CYP2C18: variants seen among roughly 807,000 people sequenced by gnomAD.
CYP2C18 encodes the protein cytochrome P450 2C18.
A neutral mutation model predicts 41.3 loss-of-function variants in CYP2C18; 38 were observed. The observed-to-expected ratio is 0.92, with a 90% CI of 0.71 to 1.21. The LOEUF (loss-of-function observed/expected upper bound fraction) is 1.21, where lower values mean the gene tolerates loss of function less well. Among genes scored for constraint, CYP2C18 ranks in the 50% most tolerant of loss-of-function variants. CYP2C18 has a pLI of 0.00. For synonymous variants in CYP2C18, 236 were observed against 210.0 expected, an observed-to-expected ratio of 1.12 and a Z score of -1.07; for missense variants, 635 against 591.4, an observed-to-expected ratio of 1.07 and a Z score of -0.77.
rs773418701 is a variant in CYP2C18, at chr10:94,706,893, A to G, written c.752A>G (p.His251Arg). The change falls in exon 5 of 9, where the codon CAT becomes CGT. Residue 251 changes from histidine (H) to arginine (R), a missense_variant. Coordinates refer to ENST00000285979, the MANE Select transcript of CYP2C18 (RefSeq NM_000772.3). ...KSYVLERIKE[H>R]QESLDMNSAR... ...TATGTATTGGAGAGAATAAAAGAAC[A>G]TCAAGAATCCCTGGACATGAACAGT... The G allele has an allele frequency of 1.2e-6, 2 of 1,613,004 alleles. No homozygotes were observed. Among genetic ancestry groups the G allele is most frequent in the East Asian group, 4.5e-5 (2 of 44,720 alleles).
chr10:94,687,270 A>G (rs1339716283), intron 1 of CYP2C18, among the ~76,000 whole-genome samples: 2 of 152,150 alleles, frequency 1.3e-5, no homozygotes, highest in Non-Finnish European at 1.5e-5. Flanking sequence ...AAAGGTGTAG[A>G]TTTTTTAGTA....
At chr10:94,717,787 C>T (rs1387129118) in intron 5 of CYP2C18, among the ~76,000 whole-genome samples, 1 of 152,068 alleles carries the variant, frequency 6.6e-6, no homozygotes, top group East Asian at 1.9e-4. Flanking sequence ...TTTTCCAGCT[C>T]TCTGTTATAT....
In CYP2C18 at chr10:94,703,185, G is replaced by A. The variant is rs577363716; in HGVS notation, c.643-3599G>A. On this transcript the variant is annotated intron_variant, in intron 4 of 8. Transcript: ENST00000285979. ...CATATCTGTCAAACCGTGCTGGGAG[G>A]TGTCTCCCTCTCAGGAGGCTCAGGG... 8.7e-4 allele frequency among the ~76,000 whole-genome samples: 133 copies of A among 152,322 alleles called. 4 individuals carry two copies. The South Asian group carries it at 0.02, about 23-fold the overall frequency.
At chr10:94,723,417 A>T (rs1314477087) in intron 6 of CYP2C18, among the ~76,000 whole-genome samples, 1 of 152,132 alleles carries the variant, frequency 6.6e-6, no homozygotes, top group Non-Finnish European at 1.5e-5. Context: ...TGATTATTTG[A>T]TTATTTTTAG....
intron 4 of CYP2C18, among the ~76,000 whole-genome samples, chr10:94,705,396 G>A (rs897794118): frequency 1.3e-5 from 2 of 152,172 alleles, no homozygotes; most frequent in Non-Finnish European, 2.9e-5. Flanking sequence ...AGGAAAAATA[G>A]CTAATGTGTG....
chr10:94,691,911 C>A (rs1463874220), intron 3 of CYP2C18, among the ~76,000 whole-genome samples: 1 of 152,150 alleles, frequency 6.6e-6, no homozygotes, highest in Admixed American at 6.5e-5. Flanking sequence ...CTGACAAAAA[C>A]AAGCAATGGG....
intron 5 of CYP2C18, among the ~76,000 whole-genome samples, chr10:94,714,250 C>T (rs1181515538): frequency 6.6e-6 from 1 of 152,120 alleles, no homozygotes; most frequent in African/African-American, 2.4e-5. Context: ...GAAGTCCTTG[C>T]CCATGCCTAT....
chr10:94,722,620 A>T (rs1404510531), intron 6 of CYP2C18, among the ~76,000 whole-genome samples: 2 of 152,112 alleles, frequency 1.3e-5, no homozygotes, highest in Non-Finnish European at 2.9e-5. Context: ...AGACCCAAAG[A>T]ACATAGAGGG....
intron 7 of CYP2C18, among the ~76,000 whole-genome samples, chr10:94,729,464 T>A (rs1359073232): frequency 6.6e-6 from 1 of 152,058 alleles, no homozygotes; most frequent in Non-Finnish European, 1.5e-5. Flanking sequence ...GCAAAAAGCA[T>A]TAAGTAGTTC....
At position 94,706,925 on chromosome 10, in the gene CYP2C18, G is replaced by A; in HGVS notation, c.784G>A (p.Asp262Asn). ...ATCCCTGGACATGAACAGTGCTCGG[G>A]ACTTTATTGATTGTTTCCTGATCAA... ...QESLDMNSARDFIDCFLIKME... is the reference protein window; with the variant it reads ...QESLDMNSARNFIDCFLIKME... Residue 262 changes from aspartate to asparagine, a missense_variant, in exon 5 of 9, where the codon GAC becomes AAC. Asp to Asn is a conservative substitution (Grantham distance 23). Coordinates refer to ENST00000285979, the MANE Select transcript of CYP2C18 (RefSeq NM_000772.3). The A allele has an allele frequency of 6.2e-7, 1 of 1,609,780 alleles. No homozygotes were observed. Among genetic ancestry groups the A allele is most frequent in the Non-Finnish European group, 8.5e-7 (1 of 1,178,772 alleles).
chr10:94,724,533 G>A lies in CYP2C18; in HGVS notation c.1149G>A (p.Lys383=), dbSNP rs1364521176. Residue 383 remains lysine, a splice_region_variant and synonymous_variant, in exon 7 of 9, where the codon AAG becomes AAA. Coordinates refer to ENST00000285979, the MANE Select transcript of CYP2C18 (RefSeq NM_000772.3). ...AATTCAAAAACTACCTCATCCCCAA[G>A]GTAAGCTTGTTTCTCCTACACTACA... The part of the protein sequence containing the change: ...DVKFKNYLIP[K]GTTIITSLTS... 4.3e-6 allele frequency: 7 copies of A among 1,613,008 alleles called. No homozygotes were observed. The highest frequency in any genetic ancestry group is 5.9e-6 in the Non-Finnish European group (7 of 1,179,302).
rs41286880 is a variant in CYP2C18 at position 94,724,388 on chromosome 10, G to A, written c.1004G>A (p.Arg335Gln). Residue 335 changes from arginine (R) to glutamine (Q), a missense_variant, in exon 7 of 9, where the codon CGG (arginine) becomes CAG (glutamine). Coordinates refer to ENST00000285979, the MANE Select transcript of CYP2C18 (RefSeq NM_000772.3). ...ATTGAATGTGTAGTTGGCAGAAACC[G>A]GAGCCCCTGTATGCAGGACAGGAGT... ...EEIECVVGRN[R>Q]SPCMQDRSHM... 0.019 allele frequency: 30,436 copies of A among 1,613,290 alleles called. 328 individuals carry two copies. The highest frequency in any genetic ancestry group is 0.023 in the Non-Finnish European group (26,963 of 1,179,516).
At chr10:94,714,904 A>G (rs1847512337) in intron 5 of CYP2C18, among the ~76,000 whole-genome samples, 1 of 152,134 alleles carries the variant, frequency 6.6e-6, no homozygotes, top group African/African-American at 2.4e-5. Flanking sequence ...ATCCCTTGGA[A>G]GTTGGATTCC....
chr10:94,710,718 C>T (rs961750154), intron 5 of CYP2C18, among the ~76,000 whole-genome samples: 11 of 152,136 alleles, frequency 7.2e-5, no homozygotes, highest in African/African-American at 2.4e-4. Context: ...GCTTAGAAAA[C>T]TGTGTTAAGT....
chr10:94,717,328 G>A (rs928648623), intron 5 of CYP2C18, among the ~76,000 whole-genome samples: 1 of 152,026 alleles, frequency 6.6e-6, no homozygotes. Flanking sequence ...AGCGGTTTTT[G>A]CTTTCCATGT....
intron 4 of CYP2C18, among the ~76,000 whole-genome samples, chr10:94,697,182 A>G (rs1847133673): frequency 1.3e-5 from 2 of 152,320 alleles, no homozygotes; most frequent in East Asian, 1.9e-4. Context: ...TAATTGTCAG[A>G]TTCACCGAAG....
At chr10:94,699,216 T>C (rs1847184280) in intron 4 of CYP2C18, among the ~76,000 whole-genome samples, 1 of 152,186 alleles carries the variant, frequency 6.6e-6, no homozygotes, top group African/African-American at 2.4e-5. Flanking sequence ...TGAACATCGA[T>C]GCAAAAATCC....
intron 4 of CYP2C18, among the ~76,000 whole-genome samples, chr10:94,699,623 C>A (rs2134184846): frequency 6.6e-6 from 1 of 152,144 alleles, no homozygotes; most frequent in Non-Finnish European, 1.5e-5. Flanking sequence ...GAGGTTCTGG[C>A]CAGGGCAATC....
rs572356854 is a variant in CYP2C18, at chr10:94,732,370, G to T, written c.1150-927G>T. On this transcript the variant is annotated intron_variant, in intron 7 of 8. Transcript: ENST00000285979. The stretch of plus-strand genomic sequence containing the variant: ...AAAAGGGAACACTTATAGGCTCTTG[G>T]TGGGAATGTAAATTAGTCCAGCTAC... 3.9e-5 allele frequency among the ~76,000 whole-genome samples: 6 copies of T among 152,282 alleles called. No individual in the cohort carries two copies. The South Asian group carries it at 1.2e-3, about 32-fold the overall frequency.
Sources: gnomAD v4.1 joint callset for allele counts (sites outside exome capture counted in the v4.1 genomes callset) on GRCh38, gnomAD v4.1.1 for gene constraint, MANE v1.5 for transcripts, NCBI Gene and HGNC (gene_info 2026-07-23, HGNC 2026-07-21) for gene names.